Variants in CYP4B1 observed in about 807,000 individuals in gnomAD.
CYP4B1 encodes cytochrome P450 family 4 subfamily B member 1.
In CYP4B1, 45 loss-of-function variants were observed where a neutral mutation model predicts 54.0. The ratio of observed to expected loss-of-function variants is 0.83; its 90% CI spans 0.66 to 1.07. CYP4B1 has a LOEUF of 1.07. Among genes scored for constraint, CYP4B1 ranks in the 50% least tolerant of loss-of-function variants. The pLI is 0.00. For synonymous variants in CYP4B1, 248 were observed against 247.5 expected, an observed-to-expected ratio of 1.00 and a Z score of -0.02; for missense variants, 656 against 655.4, an observed-to-expected ratio of 1.00 and a Z score of -0.01.
intron 1 of CYP4B1, among the ~76,000 whole-genome samples, chr1:46,809,926 A>G (rs567635949): frequency 2.9e-4 from 44 of 152,348 alleles, no homozygotes; most frequent in Non-Finnish European, 4.9e-4. Flanking sequence ...TCATTTACTT[A>G]AAACACCTCT....
chr1:46,803,746 G>A (rs1453246166), intron 1 of CYP4B1, among the ~76,000 whole-genome samples: 2 of 152,154 alleles, frequency 1.3e-5, no homozygotes, highest in Non-Finnish European at 2.9e-5. Context: ...TGATTTCAAT[G>A]TAAAAATCAC....
At chr1:46,810,594 G>A (rs928676992) in intron 1 of CYP4B1, among the ~76,000 whole-genome samples, 1 of 152,154 alleles carries the variant, frequency 6.6e-6, no homozygotes, top group Non-Finnish European at 1.5e-5. Flanking sequence ...AGCTAACCCC[G>A]GTGTGAGAAG....
chr1:46,800,234 TTTCTTTCC>T (rs1347751292), intron 1 of CYP4B1, among the ~76,000 whole-genome samples: 215 of 43,634 alleles, frequency 4.9e-3, no homozygotes, highest in African/African-American at 0.014. Context: ...TCTTTCTTTC[TTTCTTTCC>T]TTCCTTCCTT....
chr1:46,811,244 A>T (rs1330041195), intron 3 of CYP4B1, 60 bp downstream of exon 3: 3 of 1,560,950 alleles, frequency 1.9e-6, no homozygotes, highest in Non-Finnish European at 1.8e-6. Context: ...CTGGGTGACT[A>T]GGATCCTGGC....
At chr1:46,814,348 A>C (rs748159614) in intron 7 of CYP4B1, 33 bp downstream of exon 7, 1 of 1,544,790 alleles carries the variant, frequency 6.5e-7, no homozygotes. Context: ...CTACCTGAGG[A>C]CTGGTCCCAG....
Position 46,813,483 on chromosome 1 carries a change from A to G in CYP4B1, c.497A>G (p.Asp166Gly). 1 of 1,614,140 alleles carries G rather than the reference A, an allele frequency of 6.2e-7. No individual in the cohort carries two copies. ...VFTESTRIML[D>G]KWEEKAREGK... ...TTGCCTCCTATCCCTGGACTCCAGG[A>G]CAAGTGGGAAGAGAAAGCTCGGGAG... The change falls in exon 5 of 12, where the codon GAC becomes GGC. Residue 166 changes from aspartate (D) to glycine (G), a missense_variant and splice_region_variant. Transcript: ENST00000371923.
At chr1:46,814,098 C>A in intron 6 of CYP4B1, 35 bp downstream of exon 6, 1 of 1,612,416 alleles carries the variant, frequency 6.2e-7, no homozygotes, top group Non-Finnish European at 8.5e-7. Flanking sequence ...CTCTAGGAAG[C>A]CTGGGTTCCT....
chr1:46,814,778 C>A, intron 7 of CYP4B1: 2 of 436,532 alleles, frequency 4.6e-6, no homozygotes, highest in Non-Finnish European at 4.1e-6. Flanking sequence ...AGATGTTGAC[C>A]AAAATGTCTT....
rs867672851 is a variant in CYP4B1, at chr1:46,800,195, T to C, written c.180+934T>C. On this transcript the variant is annotated intron_variant, in intron 1 of 11. Transcript: ENST00000371923. ...TTCTTCTTTCTTTCTCTTTCTTTCT[T>C]TCTCTTTCTTTCTTTCTTTCTCTTT... Among the ~76,000 whole-genome samples, 16 of 38,278 alleles carry C rather than the reference T, an allele frequency of 4.2e-4. 2 individuals carry two copies. Among genetic ancestry groups the C allele is most frequent in the Non-Finnish European group, 1.1e-3 (13 of 12,244 alleles). 25.1% of individuals were successfully genotyped at this position (38,278 alleles called of 152,430 possible). A position where few individuals can be genotyped will look rare whatever the true frequency, so the allele number is the denominator to read the frequency against.
chr1:46,818,198 T>G lies in CYP4B1; in HGVS notation c.1340T>G (p.Phe447Cys). 1 of 1,613,986 alleles carries G rather than the reference T, an allele frequency of 6.2e-7. No homozygotes were observed. Among genetic ancestry groups the G allele is most frequent in the Non-Finnish European group, 8.5e-7 (1 of 1,179,912 alleles). The change falls in exon 11 of 12, where the codon TTC becomes TGC. Residue 447 changes from phenylalanine (F) to cysteine (C), a missense_variant. Phe to Cys is a radical substitution (Grantham distance 205). Coordinates refer to ENST00000371923, the MANE Select transcript of CYP4B1 (RefSeq NM_001099772.2). ...SKRHPFAFMP[F>C]SAGPRNCIGQ... ...CGCCATCCCTTTGCCTTTATGCCCT[T>G]CTCTGCTGGGCCCAGGTATGGAGAG...
chr1:46,818,244 A>AG, intron 11 of CYP4B1, 31 bp downstream of exon 11: 2 of 1,566,626 alleles, frequency 1.3e-6, no homozygotes, highest in Non-Finnish European at 1.8e-6. Flanking sequence ...CCAGGCCCTC[A>AG]GGACTGGGGA....
chr1:46,815,918 G>T (rs145402243), intron 8 of CYP4B1, among the ~76,000 whole-genome samples: 1 of 152,284 alleles, frequency 6.6e-6, no homozygotes, highest in Non-Finnish European at 1.5e-5. Flanking sequence ...CAGACAACCT[G>T]CCTTTCTCTC....
rs1257212628 is a variant in CYP4B1, at chr1:46,818,608, ACT to A, written c.1356-20_1356-19del. 3.1e-6 allele frequency: 5 copies of A among 1,611,186 alleles called. No homozygotes were observed. The African/African-American group carries it at 5.3e-5, about 17-fold the overall frequency. ...ACTCTGGATGCTCCATTGCACGATG[ACT>A]CTTTGTGCTGCTTGCTACAGGAACT... On this transcript the variant is annotated intron_variant, in intron 11 of 11. Coordinates refer to ENST00000371923, the MANE Select transcript of CYP4B1 (RefSeq NM_001099772.2).
chr1:46,818,559 C>G, intron 11 of CYP4B1, 72 bp from the exon 12 acceptor site: 2 of 1,473,010 alleles, frequency 1.4e-6, no homozygotes, highest in Non-Finnish European at 1.9e-6. Context: ...CTTTTGTTGG[C>G]TGCTAAGAGC....
intron 3 of CYP4B1, 34 bp downstream of exon 3, chr1:46,811,218 C>T: frequency 6.2e-7 from 1 of 1,609,012 alleles, no homozygotes; most frequent in Non-Finnish European, 8.5e-7. Flanking sequence ...GCCCTGCCAA[C>T]CTCAGACCCG....
chr1:46,814,828 C>CTAAT, intron 7 of CYP4B1: 2 of 535,536 alleles, frequency 3.7e-6, no homozygotes, highest in Non-Finnish European at 6.7e-6. Context: ...GTGAGCAGAA[C>CTAAT]AGTCAGGGCT....
rs367935135 is a variant in CYP4B1 at position 46,799,161 on chromosome 1, T to C, written c.80T>C (p.Leu27Pro). ...GGGCTGATCTTGGTCTTAGGCTTTC[T>C]CAAGCTCATCCACCTGCTGCTGCGG... ...ASGLILVLGF[L>P]KLIHLLLRRQ... Residue 27 changes from leucine to proline, a missense_variant, in exon 1 of 12, where the codon CTC (leucine) becomes CCC (proline). By Grantham distance (98) the Leu-to-Pro change is moderately conservative. Transcript: ENST00000371923. The C allele has an allele frequency of 1.4e-5, 22 of 1,613,350 alleles. No individual in the cohort carries two copies. Among genetic ancestry groups the C allele is most frequent in the Non-Finnish European group, 1.9e-5 (22 of 1,179,794 alleles).
chr1:46,801,357 C>A (rs887133347), intron 1 of CYP4B1, among the ~76,000 whole-genome samples: 1 of 152,190 alleles, frequency 6.6e-6, no homozygotes, highest in Non-Finnish European at 1.5e-5. Flanking sequence ...GTTGTGTTTG[C>A]CCTCAGCCAG....
At chr1:46,812,171 C>G (rs1679129844) in intron 3 of CYP4B1, 3 of 493,674 alleles carry the variant, frequency 6.1e-6, no homozygotes, top group South Asian at 4.6e-5. Flanking sequence ...GCTTGGCTGT[C>G]CCCAGGGGGA....
Sources: gnomAD v4.1 joint callset for allele counts (sites outside exome capture counted in the v4.1 genomes callset) on GRCh38, gnomAD v4.1.1 for gene constraint, MANE v1.5 for transcripts, NCBI Gene and HGNC (gene_info 2026-07-23, HGNC 2026-07-21) for gene names.